Variants in RASSF2 observed in about 807,000 individuals in gnomAD.
The protein encoded by RASSF2 is Ras association domain family member 2.
RASSF2 carries 34 observed loss-of-function variants against 46.3 expected under a neutral mutation model. That is an observed-to-expected ratio of 0.73 (90% CI 0.56 to 0.98). RASSF2 has a LOEUF of 0.98. Among genes scored for constraint, RASSF2 ranks in the 50% least tolerant of loss-of-function variants. RASSF2 has a pLI of 0.00. For missense variants in RASSF2, 364 were observed against 431.2 expected, an observed-to-expected ratio of 0.84 and a Z score of 1.38; for synonymous variants, 158 against 162.5, an observed-to-expected ratio of 0.97 and a Z score of 0.21.
intron 2 of RASSF2, among the ~76,000 whole-genome samples, chr20:4,814,748 C>T (rs1204823350): frequency 1.3e-5 from 2 of 152,178 alleles, no homozygotes; most frequent in Non-Finnish European, 2.9e-5. Context: ...GGAAATTCCC[C>T]GCTCACTGCA....
intron 2 of RASSF2, among the ~76,000 whole-genome samples, chr20:4,819,219 T>C (rs1190777204): frequency 3.3e-5 from 5 of 152,278 alleles, no homozygotes; most frequent in Non-Finnish European, 7.3e-5. Context: ...CACCTCGGCC[T>C]CCCAAAGTGC....
In RASSF2 at chr20:4,784,316, C is replaced by T. The variant is rs369987339; in HGVS notation, c.938G>A (p.Arg313Gln). 37 of 1,613,788 alleles carry T rather than the reference C, an allele frequency of 2.3e-5. 1 individual carries two copies. Among genetic ancestry groups the T allele is most frequent in the South Asian group, 1.2e-4 (11 of 91,060 alleles). ...RKYTVLRLMI[R>Q]QRLEEIAETP... ...CTCGGCTATCTCCTCCAGCCTCTGT[C>T]GAATCATTAGCCGGAGCACGGTGTA... Residue 313 changes from arginine (R) to glutamine (Q), a missense_variant, in exon 12 of 12, where the codon CGA becomes CAA. Transcript: ENST00000379400.
intron 2 of RASSF2, among the ~76,000 whole-genome samples, chr20:4,819,393 C>T (rs1928546928): frequency 6.6e-6 from 1 of 152,178 alleles, no homozygotes; most frequent in Non-Finnish European, 1.5e-5. Flanking sequence ...ACAAAGTACA[C>T]TCCCTTTGTA....
In RASSF2 at chr20:4,821,007, CCT is replaced by C. The variant is rs780854382; in HGVS notation, c.-33+1320_-33+1321del. 9.9e-5 allele frequency among the ~76,000 whole-genome samples: 15 copies of C among 152,204 alleles called. No individual in the cohort carries two copies. The East Asian group carries it at 2.1e-3, about 22-fold the overall frequency. On this transcript the variant is annotated intron_variant, in intron 2 of 11. Transcript: ENST00000379400. ...TCTCTGGCAAGCAGCGTCGTCCAGC[CCT>C]CTGAGGCAGCAGATGCACACCCTGG... is the stretch of plus-strand genomic sequence containing the variant.
chr20:4,817,815 G>A (rs1409994514), intron 2 of RASSF2, among the ~76,000 whole-genome samples: 1 of 152,190 alleles, frequency 6.6e-6, no homozygotes, highest in Non-Finnish European at 1.5e-5. Flanking sequence ...CACAGGAAAG[G>A]TTTTTTGTCA....
intron 3 of RASSF2, among the ~76,000 whole-genome samples, chr20:4,798,573 C>G (rs1441386361): frequency 6.6e-6 from 1 of 152,070 alleles, no homozygotes; most frequent in Non-Finnish European, 1.5e-5. Flanking sequence ...GCCTGTAATC[C>G]CAGTACTTTG....
intron 2 of RASSF2, among the ~76,000 whole-genome samples, chr20:4,817,242 T>C (rs1294274756): frequency 1.3e-5 from 2 of 152,190 alleles, no homozygotes; most frequent in Non-Finnish European, 2.9e-5. Context: ...CATTTGTCAC[T>C]ATGGAGTGTT....
At chr20:4,798,432 T>G (rs1321120067) in intron 3 of RASSF2, among the ~76,000 whole-genome samples, 2 of 152,114 alleles carry the variant, frequency 1.3e-5, no homozygotes, top group African/African-American at 4.8e-5. Flanking sequence ...GGCGAGCACT[T>G]CAGAGCCCAC....
chr20:4,801,167 C>T lies in RASSF2; in HGVS notation c.-32-105G>A, dbSNP rs796153920. Reference sequence around the variant, plus strand: ...GCACAAAATTGGACGCCATGGCTCTCCGTTCCTCCCCACCCAGATCCACAG... The same window carrying T: ...GCACAAAATTGGACGCCATGGCTCTTCGTTCCTCCCCACCCAGATCCACAG... On this transcript the variant is annotated intron_variant, in intron 2 of 11. Transcript: ENST00000379400. 23 of 755,156 alleles carry T rather than the reference C, an allele frequency of 3.0e-5. No individual in the cohort carries two copies. The African/African-American group carries it at 3.8e-4, about 12-fold the overall frequency. 46.8% of individuals were successfully genotyped at this position (755,156 alleles called of 1,614,324 possible).
intron 5 of RASSF2, among the ~76,000 whole-genome samples, chr20:4,794,550 G>GA (rs1449580939): frequency 2.6e-4 from 39 of 147,342 alleles, no homozygotes; most frequent in Non-Finnish European, 2.9e-4. Flanking sequence ...CTGGGCAACA[G>GA]AAAAAAAAAA....
chr20:4,795,885 C>A lies in RASSF2; in HGVS notation c.217G>T (p.Asp73Tyr), dbSNP rs1302464863. ...RRPIRLQMQD[D>Y]NERIRPPPSS... Reference sequence around the variant, plus strand: ...GGAGGGGGTCGAATGCGTTCGTTGTCATCCTGCATCTGCAGGCGAATGGGC... The same window carrying A: ...GGAGGGGGTCGAATGCGTTCGTTGTAATCCTGCATCTGCAGGCGAATGGGC... Residue 73 changes from aspartate (D) to tyrosine (Y), a missense_variant, in exon 5 of 12, where the codon GAC becomes TAC. By Grantham distance (160) the Asp-to-Tyr change is radical (BLOSUM62 -3). Coordinates refer to ENST00000379400, the MANE Select transcript of RASSF2 (RefSeq NM_014737.3). This position sits in a 1 kb window ranked among gnomAD's most constrained non-coding sequence, Gnocchi z 4.0. 1 of 1,609,646 alleles carries A rather than the reference C, an allele frequency of 6.2e-7. No homozygotes were observed. Among genetic ancestry groups the A allele is most frequent in the Non-Finnish European group, 8.5e-7 (1 of 1,177,404 alleles).
At chr20:4,793,636 A>ATT (rs1451641989) in intron 5 of RASSF2, among the ~76,000 whole-genome samples, 10 of 147,452 alleles carry the variant, frequency 6.8e-5, no homozygotes, top group African/African-American at 2.2e-4. Context: ...CAGCATCCTT[A>ATT]TTTTTTTTTT....
intron 6 of RASSF2, among the ~76,000 whole-genome samples, chr20:4,791,400 T>C (rs6052879): frequency 0.32 from 48,397 of 152,012 alleles, 7,974 homozygotes; most frequent in East Asian, 0.44. Flanking sequence ...CTTAACATGG[T>C]TAAGATGGTA....
At chr20:4,807,340 A>T (rs1230264612) in intron 2 of RASSF2, among the ~76,000 whole-genome samples, 1 of 151,828 alleles carries the variant, frequency 6.6e-6, no homozygotes, top group Non-Finnish European at 1.5e-5. Context: ...GAAAAAAAAA[A>T]AAAAGGAAAC....
At chr20:4,797,696 C>T (rs763567990) in intron 4 of RASSF2, among the ~76,000 whole-genome samples, 1 of 152,128 alleles carries the variant, frequency 6.6e-6, no homozygotes, top group Non-Finnish European at 1.5e-5. Context: ...AACGAGAGAA[C>T]GTCTGCTTGG....
intron 2 of RASSF2, among the ~76,000 whole-genome samples, chr20:4,817,148 C>T (rs1928383061): frequency 6.6e-6 from 1 of 152,284 alleles, no homozygotes; most frequent in South Asian, 2.1e-4. Flanking sequence ...AATAGCTACA[C>T]ACCTGCAGCC....
chr20:4,805,749 CGAA>C (rs1055468353), intron 2 of RASSF2, among the ~76,000 whole-genome samples: 9 of 152,076 alleles, frequency 5.9e-5, no homozygotes, highest in African/African-American at 1.7e-4. Flanking sequence ...CTAGAGAGTT[CGAA>C]GAAGAAGAGG....
At position 4,798,705 on chromosome 20, in the gene RASSF2, A is replaced by G. The variant is rs1926592702; in HGVS notation, c.60-620T>C. Among the ~76,000 whole-genome samples the G allele has an allele frequency of 4.0e-5, 6 of 151,646 alleles. No individual in the cohort carries two copies. In the South Asian group the frequency reaches 1.2e-3, roughly 32 times the overall value. ...GCCAGGCGTGGTGGTGCACACCTGT[A>G]TTCCCAGCTACTCAGGAGGCTGAGG... On this transcript the variant is annotated intron_variant, in intron 3 of 11. Transcript: ENST00000379400.
chr20:4,799,695 G>T (rs1186564772), intron 3 of RASSF2, among the ~76,000 whole-genome samples: 1 of 152,256 alleles, frequency 6.6e-6, no homozygotes, highest in East Asian at 1.9e-4. Flanking sequence ...TTGGTTGGTA[G>T]AAGTCCCTGG....
Sources: gnomAD v4.1 joint callset for allele counts (sites outside exome capture counted in the v4.1 genomes callset) on GRCh38, gnomAD v4.1.1 for gene constraint, Gnocchi (gnomAD v3.1) non-coding constraint, MANE v1.5 for transcripts, NCBI Gene and HGNC (gene_info 2026-07-23, HGNC 2026-07-21) for gene names.